The following TRIM54 variants were observed in gnomAD, a reference collection of about 807,000 sequenced individuals.
TRIM54 encodes the protein tripartite motif containing 54.
A neutral mutation model predicts 42.0 loss-of-function variants in TRIM54; 40 were observed. That is an observed-to-expected ratio of 0.95 (90% CI 0.74 to 1.24). TRIM54 has a LOEUF of 1.24. Ranked by LOEUF, TRIM54 falls within the 50% of genes most tolerant of loss-of-function variation. The probability of loss-of-function intolerance (pLI) is 0.00; values close to 1 mark genes in which losing one functional copy is unlikely to be tolerated. For missense variants in TRIM54, 485 were observed against 480.3 expected (o/e 1.01, Z -0.09); for synonymous variants, 199 against 194.9 (o/e 1.02, Z -0.17).
At chr2:27,298,224 A>G (rs1490428948) in intron 1 of TRIM54, among the ~76,000 whole-genome samples, 1 of 152,068 alleles carries the variant, frequency 6.6e-6, no homozygotes, top group Non-Finnish European at 1.5e-5. Context: ...CTCAGAGTTC[A>G]TTTCCTGCCT....
intron 1 of TRIM54, among the ~76,000 whole-genome samples, chr2:27,298,008 G>C (rs967661848): frequency 1.3e-5 from 2 of 148,350 alleles, no homozygotes; most frequent in African/African-American, 2.5e-5. Context: ...AAAAGGCCGG[G>C]GGGAGGGCAT....
intron 5 of TRIM54, 58 bp downstream of exon 5, chr2:27,305,875 C>T (rs1433055523): frequency 1.7e-5 from 25 of 1,455,070 alleles, no homozygotes; most frequent in Non-Finnish European, 2.3e-5. Flanking sequence ...GGCCTTGGTA[C>T]CTGGAGTCCC....
chr2:27,298,828 C>T (rs1558587463), intron 2 of TRIM54, 89 bp downstream of exon 2: 16 of 1,380,990 alleles, frequency 1.2e-5, no homozygotes, highest in Admixed American at 2.0e-5. Flanking sequence ...GAGATTGAAA[C>T]GGTCAACCTG....
At chr2:27,296,235 G>T (rs1238869380) in intron 1 of TRIM54, among the ~76,000 whole-genome samples, 3 of 152,160 alleles carry the variant, frequency 2.0e-5, no homozygotes, top group Non-Finnish European at 2.9e-5. Flanking sequence ...ACACGCAAGG[G>T]GCCTTCCAAA....
intron 1 of TRIM54, among the ~76,000 whole-genome samples, chr2:27,283,858 G>A (rs929975207): frequency 1.3e-5 from 2 of 151,348 alleles, no homozygotes; most frequent in African/African-American, 4.9e-5. Flanking sequence ...AATATGGCCA[G>A]GTGCAGTGGC....
At position 27,283,860 on chromosome 2, in the gene TRIM54, T is replaced by C. The variant is rs1572515154; in HGVS notation, c.168+961T>C. ...AGTAAAAGCCCTGAATATGGCCAGG[T>C]GCAGTGGCTCACGCCTGTAATCCCA... is the stretch of plus-strand genomic sequence containing the variant. On this transcript the variant is annotated intron_variant, in intron 1 of 8. Transcript: ENST00000380075. 2.0e-5 allele frequency among the ~76,000 whole-genome samples: 3 copies of C among 150,716 alleles called. No individual in the cohort carries two copies. The East Asian group carries it at 5.9e-4, about 30-fold the overall frequency.
At chr2:27,290,242 A>G (rs562976408) in intron 1 of TRIM54, among the ~76,000 whole-genome samples, 16 of 152,288 alleles carry the variant, frequency 1.1e-4, no homozygotes, top group African/African-American at 2.9e-4. Context: ...AATAATGAAG[A>G]AAGCTTTGGA....
In TRIM54 at chr2:27,307,119, C is replaced by A; in HGVS notation, c.*234C>A. 4.0e-6 allele frequency: 1 copy of A among 250,174 alleles called. No individual in the cohort carries two copies. Among genetic ancestry groups the A allele is most frequent in the East Asian group, 1.2e-4 (1 of 8,364 alleles). The allele number at this position is 250,174 out of a possible 1,614,324, so 15.5% of individuals were successfully genotyped here. ...CCTGAGACCGTCTGGGGGGCGGAAG[C>A]CAAATGAACCCCTATTGGGCACCTC... On this transcript the variant is annotated 3_prime_UTR_variant, in exon 9 of 9. Coordinates refer to ENST00000380075, the MANE Select transcript of TRIM54 (RefSeq NM_187841.3). The surrounding 1 kb of genome is among the most constrained non-coding windows in gnomAD (Gnocchi z 6.9).
chr2:27,302,723 G>A (rs1009553364), intron 3 of TRIM54, among the ~76,000 whole-genome samples: 5 of 151,618 alleles, frequency 3.3e-5, no homozygotes, highest in African/African-American at 1.2e-4. Context: ...CTCCAGAGGC[G>A]GAGGTTACAG....
intron 1 of TRIM54, among the ~76,000 whole-genome samples, chr2:27,294,889 C>CAAA (rs57097129): frequency 9.5e-5 from 5 of 52,800 alleles, no homozygotes; most frequent in African/African-American, 1.4e-4. Flanking sequence ...GACTCCATCT[C>CAAA]AAAAAAAAAA....
chr2:27,299,172 G>A, intron 2 of TRIM54, 73 bp from the exon 3 acceptor site: 1 of 1,549,486 alleles, frequency 6.5e-7, no homozygotes, highest in Non-Finnish European at 8.8e-7. Context: ...GGCAGTTGGT[G>A]GAGGCTGAAG....
intron 3 of TRIM54, 83 bp from the exon 4 acceptor site, chr2:27,304,876 T>C: frequency 7.8e-7 from 1 of 1,278,306 alleles, no homozygotes; most frequent in Non-Finnish European, 1.1e-6. Flanking sequence ...GGGCCAGCCC[T>C]CTCCTAGGCA....
rs929015342 is a variant in TRIM54 at position 27,305,616 on chromosome 2, C to A, written c.642C>A (p.Asn214Lys). 2.5e-6 allele frequency: 4 copies of A among 1,613,590 alleles called. No individual in the cohort carries two copies. The Admixed American group carries it at 6.7e-5, about 27-fold the overall frequency. The change falls in exon 5 of 9, where the codon AAC becomes AAA. Residue 214 changes from asparagine to lysine, a missense_variant. Physicochemically the swap from Asn to Lys is moderately conservative, Grantham distance 94 (BLOSUM62 0). Coordinates refer to ENST00000380075, the MANE Select transcript of TRIM54 (RefSeq NM_187841.3). The stretch of plus-strand genomic sequence containing the variant: ...GCCGGAGGCAGAAGCAGTTGTTAAA[C>A]CAGAGGTTTGAGAGCCTGTGCGCAG... ...DNSRRQKQLL[N>K]QRFESLCAVL...
At chr2:27,292,659 C>T (rs11898114) in intron 1 of TRIM54, among the ~76,000 whole-genome samples, 63,261 of 151,948 alleles carry the variant, frequency 0.42, 17,321 homozygotes, top group African/African-American at 0.77. Context: ...ACTATCCATC[C>T]CCAGAACTTT....
chr2:27,283,359 T>C (rs188087731), intron 1 of TRIM54, among the ~76,000 whole-genome samples: 45 of 152,116 alleles, frequency 3.0e-4, no homozygotes, highest in African/African-American at 9.6e-4. Flanking sequence ...GCAGTAAAAC[T>C]ATTTGTATTT....
In TRIM54 at chr2:27,306,448, G is replaced by A. The variant is rs1679213809; in HGVS notation, c.992-8G>A. 2.5e-6 allele frequency: 4 copies of A among 1,601,752 alleles called. No individual in the cohort carries two copies. The highest frequency in any genetic ancestry group is 3.4e-6 in the Non-Finnish European group (4 of 1,174,146). On this transcript the variant is annotated splice_polypyrimidine_tract_variant and splice_region_variant and intron_variant, in intron 7 of 8. Transcript: ENST00000380075. This position sits in a 1 kb window ranked among gnomAD's most constrained non-coding sequence, Gnocchi z 6.1. Reference sequence around the variant, plus strand: ...GACTCCACCTCACCAGGCCTTCCTTGGGCTCAGGCGCTTCCGGGGAGGAAG... The same window carrying A: ...GACTCCACCTCACCAGGCCTTCCTTAGGCTCAGGCGCTTCCGGGGAGGAAG...
chr2:27,295,088 C>CAA (rs1050534578), intron 1 of TRIM54, among the ~76,000 whole-genome samples: 15 of 151,610 alleles, frequency 9.9e-5, no homozygotes, highest in Admixed American at 5.9e-4. Context: ...TTTTTTGAGA[C>CAA]AGAGTCCTGC....
At position 27,306,855 on chromosome 2, in the gene TRIM54, C is replaced by A. The variant is rs893651935; in HGVS notation, c.*2-32C>A. 2.2e-6 allele frequency: 1 copy of A among 451,012 alleles called. No homozygotes were observed. The highest frequency in any genetic ancestry group is 3.9e-5 in the East Asian group (1 of 25,360). The allele number at this position is 451,012 out of a possible 1,614,324, so 27.9% of individuals were successfully genotyped here. On this transcript the variant is annotated intron_variant, in intron 8 of 8. Transcript: ENST00000380075. This position sits in a 1 kb window ranked among gnomAD's most constrained non-coding sequence, Gnocchi z 6.1. ...CGAGCTGCCTCGTGCCTTCGCAGCA[C>A]CCGCCCACCGAGCCTTCTTTCCCGG... is the stretch of plus-strand genomic sequence containing the variant.
chr2:27,306,368 G>GA lies in TRIM54; in HGVS notation c.991+31_991+32insA. ...GGAGGTGGCCGAGGGCCGCTGAGAC[G>GA]GGTTCGGACCCTCTGTGTGGGGGGT... On this transcript the variant is annotated intron_variant, in intron 7 of 8. Coordinates refer to ENST00000380075, the MANE Select transcript of TRIM54 (RefSeq NM_187841.3). The surrounding 1 kb of genome is among the most constrained non-coding windows in gnomAD (Gnocchi z 6.1). 6.2e-7 allele frequency: 1 copy of GA among 1,613,906 alleles called. No homozygotes were observed. Among genetic ancestry groups the GA allele is most frequent in the Non-Finnish European group, 8.5e-7 (1 of 1,179,896 alleles).
Sources: allele counts gnomAD v4.1 joint callset (sites outside exome capture counted in the v4.1 genomes callset), GRCh38; gene constraint gnomAD v4.1.1; non-coding constraint Gnocchi (gnomAD v3.1); transcripts MANE v1.5; gene names NCBI Gene and HGNC (gene_info 2026-07-23, HGNC 2026-07-21).